Variants in MLLT10 observed in about 807,000 individuals in gnomAD.
MLLT10 encodes MLLT10 histone lysine methyltransferase DOT1L cofactor, also known as protein AF-10.
In MLLT10, 30 loss-of-function variants were observed where a neutral mutation model predicts 129.1. The observed-to-expected ratio is 0.23, with a 90% CI of 0.17 to 0.32. The LOEUF (loss-of-function observed/expected upper bound fraction) is 0.32, where lower values mean the gene tolerates loss of function less well. MLLT10 is among the 10% of genes least tolerant of loss of function. MLLT10 has a pLI of 1.00. For missense variants in MLLT10, 1,119 were observed against 1,268.3 expected, an observed-to-expected ratio of 0.88 and a Z score of 1.79; for synonymous variants, 490 against 446.4, an observed-to-expected ratio of 1.10 and a Z score of -1.23.
At chr10:21,610,555 C>T (rs1199347585) in intron 5 of MLLT10, among the ~76,000 whole-genome samples, 1 of 151,532 alleles carries the variant, frequency 6.6e-6, no homozygotes, top group African/African-American at 2.4e-5. Flanking sequence ...GACTGTTTTT[C>T]ACCTGTGAAA....
At chr10:21,561,224 A>T (rs1564412669) in intron 3 of MLLT10, among the ~76,000 whole-genome samples, 1 of 152,040 alleles carries the variant, frequency 6.6e-6, no homozygotes, top group African/African-American at 2.4e-5. Flanking sequence ...AAATGTTTCT[A>T]TAGTTGTTGC....
intron 3 of MLLT10, among the ~76,000 whole-genome samples, chr10:21,585,175 C>G (rs1411792539): frequency 1.3e-5 from 2 of 151,888 alleles, no homozygotes; most frequent in Admixed American, 1.3e-4. Flanking sequence ...CTACCTACCT[C>G]AGCCTCCCAA....
chr10:21,651,976 A>G (rs936118633), intron 9 of MLLT10, among the ~76,000 whole-genome samples: 2 of 138,650 alleles, frequency 1.4e-5, no homozygotes, highest in Non-Finnish European at 3.0e-5. Context: ...GCTGTGGCAC[A>G]ATCTCAGCTC....
intron 3 of MLLT10, among the ~76,000 whole-genome samples, chr10:21,585,030 G>A (rs573665922): frequency 5.3e-5 from 8 of 151,906 alleles, no homozygotes; most frequent in African/African-American, 9.7e-5. Context: ...TGATCTGCCC[G>A]CCTCAGCCTG....
chr10:21,574,031 T>C (rs2040483965), intron 3 of MLLT10, among the ~76,000 whole-genome samples: 1 of 152,188 alleles, frequency 6.6e-6, no homozygotes, highest in South Asian at 2.1e-4. Context: ...TTGGGAAGCA[T>C]TGTCTTCTCT....
chr10:21,627,783 CT>C (rs949349860), intron 8 of MLLT10, among the ~76,000 whole-genome samples: 1 of 151,216 alleles, frequency 6.6e-6, no homozygotes, highest in Non-Finnish European at 1.5e-5. Flanking sequence ...AGTCTTGGCT[CT>C]TTTTTTTTGG....
chr10:21,644,733 T>C (rs1423603763), intron 8 of MLLT10, among the ~76,000 whole-genome samples: 3 of 152,048 alleles, frequency 2.0e-5, no homozygotes, highest in Non-Finnish European at 2.9e-5. Context: ...CCTCCACCTC[T>C]TGGGTCCTCC....
chr10:21,536,605 C>T (rs1162591959), intron 2 of MLLT10, among the ~76,000 whole-genome samples: 1 of 152,158 alleles, frequency 6.6e-6, no homozygotes, highest in Non-Finnish European at 1.5e-5. Context: ...GACAGGGTCT[C>T]ACTTTGTGGC....
At chr10:21,584,573 C>G (rs1358557072) in intron 3 of MLLT10, among the ~76,000 whole-genome samples, 1 of 152,130 alleles carries the variant, frequency 6.6e-6, no homozygotes, top group African/African-American at 2.4e-5. Flanking sequence ...TTTGGCCTCC[C>G]AAAGTGCTGC....
intron 3 of MLLT10, among the ~76,000 whole-genome samples, chr10:21,558,636 T>G (rs2038387901): frequency 6.6e-6 from 1 of 151,960 alleles, no homozygotes; most frequent in Non-Finnish European, 1.5e-5. Context: ...TCCTCCCTCC[T>G]TGGCCTCCCA....
At chr10:21,555,998 C>T (rs187035615) in intron 3 of MLLT10, among the ~76,000 whole-genome samples, 38 of 147,486 alleles carry the variant, frequency 2.6e-4, no homozygotes, top group Middle Eastern at 4.0e-3. Flanking sequence ...TTTTTGGACA[C>T]GGAGTCTCGC....
chr10:21,557,067 C>A, intron 3 of MLLT10: 1 of 1,415,562 alleles, frequency 7.1e-7, no homozygotes, highest in Non-Finnish European at 9.2e-7. Flanking sequence ...ACTCAACTCA[C>A]AAACATTTTT....
At chr10:21,569,686 G>T (rs1342113834) in intron 3 of MLLT10, among the ~76,000 whole-genome samples, 1 of 151,994 alleles carries the variant, frequency 6.6e-6, no homozygotes, top group Non-Finnish European at 1.5e-5. Flanking sequence ...CTCCCAAAGT[G>T]CTGAGATTAC....
chr10:21,631,816 C>A (rs913589939), intron 8 of MLLT10, among the ~76,000 whole-genome samples: 9 of 151,724 alleles, frequency 5.9e-5, no homozygotes, highest in Non-Finnish European at 2.9e-5. Flanking sequence ...TTGCAGATTA[C>A]AGTTCAACAT....
At chr10:21,692,967 CT>C in intron 13 of MLLT10, among the ~76,000 whole-genome samples, 1 of 152,078 alleles carries the variant, frequency 6.6e-6, no homozygotes, top group African/African-American at 2.4e-5. Context: ...TTAGTTGATA[CT>C]TTTTCCCCCA....
In MLLT10 at chr10:21,741,962, T is replaced by C. The variant is rs1564766000; in HGVS notation, c.3186T>C (p.Pro1062=). The change falls in exon 23 of 23, where the codon CCT becomes CCC. Residue 1062 remains proline, a synonymous_variant. Coordinates refer to ENST00000307729, the MANE Select transcript of MLLT10 (RefSeq NM_001195626.3). ...KVARLSDKTG[P]VAQEKS is the part of the protein sequence containing the mutation. ...AGAGACTTAGTGATAAAACTGGGCC[T>C]GTAGCTCAAGAGAAAAGTTGACACC... The C allele has an allele frequency of 6.2e-7, 1 of 1,612,304 alleles. No individual in the cohort carries two copies. The highest frequency in any genetic ancestry group is 1.7e-5 in the Admixed American group (1 of 59,914).
At position 21,698,780 on chromosome 10, in the gene MLLT10, A is replaced by G. The variant is rs574941231; in HGVS notation, c.1700-14992A>G. On this transcript the variant is annotated intron_variant, in intron 13 of 22. Coordinates refer to ENST00000307729, the MANE Select transcript of MLLT10 (RefSeq NM_001195626.3). ...TCATAGCCATTCTAACTGGAGTAAT[A>G]GGATATCTCATTGTGGTTTCGATTT... is the stretch of plus-strand genomic sequence containing the variant. 1.1e-3 allele frequency among the ~76,000 whole-genome samples: 164 copies of G among 152,354 alleles called. 1 individual carries two copies. Among genetic ancestry groups the G allele is most frequent in the African/African-American group, 3.8e-3 (157 of 41,594 alleles).
intron 3 of MLLT10, among the ~76,000 whole-genome samples, chr10:21,573,385 A>G (rs570704748): frequency 1.3e-5 from 2 of 152,216 alleles, no homozygotes; most frequent in South Asian, 4.1e-4. Context: ...ATAGTCACAG[A>G]CCCCAAGAGG....
chr10:21,564,986 A>G (rs2039371866), intron 3 of MLLT10, among the ~76,000 whole-genome samples: 1 of 152,190 alleles, frequency 6.6e-6, no homozygotes, highest in South Asian at 2.1e-4. Flanking sequence ...TGAAGTCTCT[A>G]TAGTGGATTT....
Sources: gnomAD v4.1 joint callset for allele counts (sites outside exome capture counted in the v4.1 genomes callset) on GRCh38, gnomAD v4.1.1 for gene constraint, MANE v1.5 for transcripts, NCBI Gene and HGNC (gene_info 2026-07-23, HGNC 2026-07-21) for gene names.